DRC8: variants seen among roughly 807,000 people sequenced by gnomAD.
DRC8 encodes dynein regulatory complex subunit 8.
chr1:245,037,011 A>C, the DRC8 span, among the ~76,000 whole-genome samples: 1 of 152,184 alleles, frequency 6.6e-6, no homozygotes, highest in African/African-American at 2.4e-5. Flanking sequence ...AAAGATAGAA[A>C]CTCTAAACAC....
the DRC8 span, among the ~76,000 whole-genome samples, chr1:245,108,861 C>G: frequency 6.6e-5 from 10 of 152,266 alleles, no homozygotes; most frequent in African/African-American, 2.4e-4. Flanking sequence ...TAGGCTCAGC[C>G]CCATCCGATC....
the DRC8 span, among the ~76,000 whole-genome samples, chr1:245,008,462 A>G: frequency 6.6e-6 from 1 of 152,150 alleles, no homozygotes; most frequent in Non-Finnish European, 1.5e-5. Context: ...TTACTTTTTA[A>G]TATCAAACTT....
the DRC8 span, among the ~76,000 whole-genome samples, chr1:245,044,379 A>C: frequency 6.6e-6 from 1 of 152,230 alleles, no homozygotes; most frequent in South Asian, 2.1e-4. Context: ...CTATATGCAA[A>C]ACGAGTTTAT....
chr1:245,000,806 G>C, the DRC8 span, among the ~76,000 whole-genome samples: 1 of 151,976 alleles, frequency 6.6e-6, no homozygotes, highest in African/African-American at 2.4e-5. Context: ...TGTGTCTTCA[G>C]TGTCTAATAC....
chr1:245,074,054 G>A, the DRC8 span, among the ~76,000 whole-genome samples: 2 of 152,084 alleles, frequency 1.3e-5, no homozygotes, highest in Non-Finnish European at 2.9e-5. Context: ...AATTAACGTC[G>A]TTACATACAT....
chr1:245,104,586 C>T, the DRC8 span, among the ~76,000 whole-genome samples: 1 of 152,064 alleles, frequency 6.6e-6, no homozygotes, highest in African/African-American at 2.4e-5. Flanking sequence ...AACATATGGC[C>T]AATCTTGCTT....
At chr1:244,973,279 T>C in the DRC8 span, among the ~76,000 whole-genome samples, 1 of 152,228 alleles carries the variant, frequency 6.6e-6, no homozygotes, top group Admixed American at 6.5e-5. Context: ...AGTGTGAATT[T>C]GTATTTCAGA....
chr1:244,986,237 G>A, the DRC8 span, among the ~76,000 whole-genome samples: 1 of 152,154 alleles, frequency 6.6e-6, no homozygotes, highest in Non-Finnish European at 1.5e-5. Flanking sequence ...TTACAGGCAT[G>A]AGCCACCATG....
chr1:245,002,881 G>A, the DRC8 span, among the ~76,000 whole-genome samples: 19 of 151,710 alleles, frequency 1.3e-4, no homozygotes, highest in Non-Finnish European at 2.1e-4. Context: ...TTGTGTAGCC[G>A]CCACCACCAT....
At chr1:245,040,333 G>A in the DRC8 span, among the ~76,000 whole-genome samples, 3 of 152,114 alleles carry the variant, frequency 2.0e-5, no homozygotes, top group Admixed American at 1.3e-4. Context: ...CATAGGATCT[G>A]GTCTGCACCT....
chr1:245,095,239 G>A, the DRC8 span, among the ~76,000 whole-genome samples: 1 of 152,218 alleles, frequency 6.6e-6, no homozygotes, highest in African/African-American at 2.4e-5. Flanking sequence ...GCCTGGGCAG[G>A]CAAGGAAGGA....
At chr1:245,093,869 T>TC in the DRC8 span, among the ~76,000 whole-genome samples, 2 of 151,926 alleles carry the variant, frequency 1.3e-5, no homozygotes, top group Non-Finnish European at 2.9e-5. Context: ...TCTTGCTGGC[T>TC]CCCCCCACAC....
the DRC8 span, among the ~76,000 whole-genome samples, chr1:245,060,990 T>G: frequency 2.6e-5 from 4 of 152,298 alleles, no homozygotes; most frequent in South Asian, 8.3e-4. Flanking sequence ...CACAGAGACC[T>G]ACAGCTTGGA....
At chr1:244,977,558 T>TTCCCTCTGTTGGCTTTGGAGCCCCCA in the DRC8 span, among the ~76,000 whole-genome samples, 1 of 152,032 alleles carries the variant, frequency 6.6e-6, no homozygotes, top group African/African-American at 2.4e-5. Flanking sequence ...AAGTCGGGGG[T>TTCCCTCTGTTGGCTTTGGAGCCCCCA]TCCCTCTGTT....
chr1:245,120,644 C>G, the DRC8 span, among the ~76,000 whole-genome samples: 1 of 152,128 alleles, frequency 6.6e-6, no homozygotes, highest in Non-Finnish European at 1.5e-5. Flanking sequence ...ATTTTTCAAA[C>G]ATTTTATTTT....
chr1:245,071,727 C>T, the DRC8 span, among the ~76,000 whole-genome samples: 1 of 152,118 alleles, frequency 6.6e-6, no homozygotes, highest in African/African-American at 2.4e-5. Flanking sequence ...GGAGGAGATA[C>T]TGTATGGAGA....
At chr1:245,106,494 T>C in the DRC8 span, among the ~76,000 whole-genome samples, 604 of 151,866 alleles carry the variant, frequency 4.0e-3, 4 homozygotes, top group African/African-American at 0.014. Context: ...TTAAATATAT[T>C]TCAATATTTA....
the DRC8 span, among the ~76,000 whole-genome samples, chr1:245,092,380 C>T: frequency 1.3e-5 from 2 of 152,298 alleles, no homozygotes; most frequent in South Asian, 2.1e-4. Flanking sequence ...TCCTTCCTTT[C>T]GCTTTTCTAA....
the DRC8 span, among the ~76,000 whole-genome samples, chr1:245,112,031 C>T: frequency 6.6e-6 from 1 of 152,076 alleles, no homozygotes; most frequent in African/African-American, 2.4e-5. Flanking sequence ...AAGATCCTGT[C>T]TCAGGAAAAA....
Sources: gnomAD v4.1 joint callset for allele counts (sites outside exome capture counted in the v4.1 genomes callset) on GRCh38, gnomAD v4.1.1 for gene constraint, MANE v1.5 for transcripts, NCBI Gene and HGNC (gene_info 2026-07-23, HGNC 2026-07-21) for gene names.